The following DLGAP2 variants were observed in gnomAD, a reference collection of about 807,000 sequenced individuals.
DLGAP2 encodes DLG associated protein 2, also known as disks large-associated protein 2.
A neutral mutation model predicts 100.3 loss-of-function variants in DLGAP2; 26 were observed. That is an observed-to-expected ratio of 0.26 (90% CI 0.19 to 0.36). DLGAP2 has a LOEUF of 0.36. Among genes scored for constraint, DLGAP2 ranks in the 10% least tolerant of loss-of-function variants. DLGAP2 has a pLI of 1.00. For missense variants in DLGAP2, 1,858 were observed against 1,453.2 expected, an observed-to-expected ratio of 1.28 and a Z score of -4.53; for synonymous variants, 886 against 630.1, an observed-to-expected ratio of 1.41 and a Z score of -6.08.
chr8:1,510,416 C>G (rs1172825516), intron 4 of DLGAP2, among the ~76,000 whole-genome samples: 1 of 152,162 alleles, frequency 6.6e-6, no homozygotes, highest in Non-Finnish European at 1.5e-5. Context: ...CTCTGAAGAG[C>G]TGAGAAACGT....
chr8:1,468,254 T>TG (rs1798680060), intron 3 of DLGAP2, among the ~76,000 whole-genome samples: 1 of 150,556 alleles, frequency 6.6e-6, no homozygotes, highest in Non-Finnish European at 1.5e-5. Context: ...AATTGTGCCC[T>TG]GTTCACACAG....
intron 13 of DLGAP2, among the ~76,000 whole-genome samples, chr8:1,692,642 G>C (rs1585069594): frequency 1.3e-5 from 2 of 152,090 alleles, no homozygotes; most frequent in African/African-American, 4.8e-5. Context: ...CACAAATGAA[G>C]AAAATGATCT....
chr8:1,236,551 C>A (rs868744469), intron 2 of DLGAP2, among the ~76,000 whole-genome samples: 2 of 25,242 alleles, frequency 7.9e-5, no homozygotes, highest in African/African-American at 4.7e-4. Flanking sequence ...TCTCACGTGG[C>A]GCCGTGTCTA....
In DLGAP2 at chr8:999,480, C is replaced by CT. The variant is rs779189186; in HGVS notation, c.73+91529dup. On this transcript the variant is annotated intron_variant, in intron 2 of 14. Transcript: ENST00000637795. ...TCTTGGTCTTGTGGTGGTGGTTTTT[C>CT]TTTTTTTTTTTTTTTCCCGATGGAG... Among the ~76,000 whole-genome samples the CT allele has an allele frequency of 9.3e-3, 1,280 of 137,236 alleles. 16 individuals are homozygous for CT. The highest frequency in any genetic ancestry group is 0.026 in the African/African-American group (986 of 37,820). The allele number at this position is 137,236 out of a possible 152,430, so 90.0% of individuals were successfully genotyped here.
At chr8:1,107,846 G>A (rs1178679657) in intron 2 of DLGAP2, among the ~76,000 whole-genome samples, 2 of 152,072 alleles carry the variant, frequency 1.3e-5, no homozygotes, top group East Asian at 1.9e-4. Flanking sequence ...TCCTGACACC[G>A]AACCACCCTA....
chr8:1,344,156 T>TAAGTCCATGTACTGGGTGCCCTGTCGTG (rs1563095101), intron 3 of DLGAP2, among the ~76,000 whole-genome samples: 1 of 151,198 alleles, frequency 6.6e-6, no homozygotes, highest in East Asian at 1.9e-4. Context: ...GGCCCTGTCG[T>TAAGTCCATGTACTGGGTGCCCTGTCGTG]GGGTCTTTGT....
At chr8:1,644,578 C>T (rs977009162) in intron 8 of DLGAP2, among the ~76,000 whole-genome samples, 2 of 152,232 alleles carry the variant, frequency 1.3e-5, no homozygotes, top group Admixed American at 6.5e-5. Context: ...AGCGTCTGCA[C>T]GAAGCACGGC....
chr8:1,455,060 A>G (rs900389467), intron 3 of DLGAP2, among the ~76,000 whole-genome samples: 2 of 152,210 alleles, frequency 1.3e-5, no homozygotes, highest in African/African-American at 4.8e-5. Context: ...GATGCAAGGA[A>G]GGTTCCAGAC....
At chr8:767,203 C>T (rs1821236154) in intron 1 of DLGAP2, among the ~76,000 whole-genome samples, 1 of 152,234 alleles carries the variant, frequency 6.6e-6, no homozygotes, top group Non-Finnish European at 1.5e-5. Flanking sequence ...TGTGGTCCTG[C>T]ATGATGGACC....
chr8:1,696,213 G>A (rs1488506988), intron 13 of DLGAP2, among the ~76,000 whole-genome samples: 2 of 152,198 alleles, frequency 1.3e-5, no homozygotes, highest in African/African-American at 4.8e-5. Context: ...TTTCAATGTA[G>A]GGAGCAAGCC....
rs144948605 is a variant in DLGAP2 at position 1,241,578 on chromosome 8, G to A, written c.74-17273G>A. ...GGGCCTTTGATCCAGTTCTCTCCTG[G>A]GTGGAGCCAGTCAGCTTCTAGAGAC... On this transcript the variant is annotated intron_variant, in intron 2 of 14. Coordinates refer to ENST00000637795, the MANE Select transcript of DLGAP2 (RefSeq NM_001346810.2). 7.0e-3 allele frequency among the ~76,000 whole-genome samples: 1,061 copies of A among 152,260 alleles called. 9 individuals carry two copies. Among genetic ancestry groups the A allele is most frequent in the Middle Eastern group, 0.041 (12 of 294 alleles).
chr8:1,639,582 A>G (rs192163469), intron 8 of DLGAP2, among the ~76,000 whole-genome samples: 2 of 152,306 alleles, frequency 1.3e-5, no homozygotes, highest in East Asian at 1.9e-4. Context: ...AACCCCTACA[A>G]AGCAGGTGTG....
chr8:1,105,817 C>T (rs564094126), intron 2 of DLGAP2, among the ~76,000 whole-genome samples: 222 of 138,586 alleles, frequency 1.6e-3, no homozygotes, highest in African/African-American at 5.5e-3. Context: ...GGAGGGTTTT[C>T]TACTGAAGGG....
chr8:1,131,392 C>G (rs538790979), intron 2 of DLGAP2, among the ~76,000 whole-genome samples: 2 of 152,268 alleles, frequency 1.3e-5, no homozygotes, highest in South Asian at 4.1e-4. Flanking sequence ...GGAACCTTCT[C>G]CCTGGCTTGC....
intron 2 of DLGAP2, among the ~76,000 whole-genome samples, chr8:953,907 A>C (rs1310826138): frequency 6.6e-6 from 1 of 152,186 alleles, no homozygotes; most frequent in Non-Finnish European, 1.5e-5. Context: ...CTCATCAAGG[A>C]TGTTCTTTAG....
At chr8:1,185,088 G>A (rs562111893) in intron 2 of DLGAP2, among the ~76,000 whole-genome samples, 17 of 152,210 alleles carry the variant, frequency 1.1e-4, no homozygotes, top group African/African-American at 2.2e-4. Context: ...TGCGTCTTGC[G>A]GCCTCTCTTG....
At chr8:945,656 G>A (rs1799299354) in intron 2 of DLGAP2, among the ~76,000 whole-genome samples, 1 of 152,098 alleles carries the variant, frequency 6.6e-6, no homozygotes, top group Non-Finnish European at 1.5e-5. Flanking sequence ...ATTACTTGTG[G>A]TTTATAAGTT....
At chr8:1,150,361 C>T (rs985014814) in intron 2 of DLGAP2, among the ~76,000 whole-genome samples, 6 of 152,158 alleles carry the variant, frequency 3.9e-5, no homozygotes, top group Admixed American at 6.5e-5. Flanking sequence ...TTAAATCTTA[C>T]GTTTCTTTGG....
chr8:1,453,314 T>C (rs1019406605), intron 3 of DLGAP2, among the ~76,000 whole-genome samples: 2 of 152,072 alleles, frequency 1.3e-5, no homozygotes, highest in Non-Finnish European at 2.9e-5. Flanking sequence ...TGTCACCAAG[T>C]GGGAGAAAAA....
Sources: gnomAD v4.1 joint callset for allele counts (sites outside exome capture counted in the v4.1 genomes callset) on GRCh38, gnomAD v4.1.1 for gene constraint, MANE v1.5 for transcripts, NCBI Gene and HGNC (gene_info 2026-07-23, HGNC 2026-07-21) for gene names.